ERC2: variants seen among roughly 807,000 people sequenced by gnomAD.
ERC2 encodes the protein ELKS/RAB6-interacting/CAST family member 2.
Under a neutral mutation model 114.8 loss-of-function variants are expected in ERC2, and 42 were observed. The observed-to-expected ratio is 0.37, with a 90% confidence interval of 0.29 to 0.47. The LOEUF (loss-of-function observed/expected upper bound fraction) is 0.47, where lower values mean the gene tolerates loss of function less well. ERC2 is among the 20% of genes least tolerant of loss of function. The pLI, the probability that ERC2 is intolerant of heterozygous loss-of-function variation, is 0.99. For missense variants in ERC2, 939 were observed against 1,150.7 expected (o/e 0.82, Z 2.66); for synonymous variants, 454 against 425.5 (o/e 1.07, Z -0.82).
chr3:55,819,252 A>T (rs1389890560), intron 14 of ERC2, among the ~76,000 whole-genome samples: 2 of 152,200 alleles, frequency 1.3e-5, no homozygotes, highest in Non-Finnish European at 2.9e-5. Flanking sequence ...TGAGTGAAAG[A>T]TCCCTTGACA....
At chr3:56,187,821 A>C (rs991844679) in intron 3 of ERC2, among the ~76,000 whole-genome samples, 1 of 152,198 alleles carries the variant, frequency 6.6e-6, no homozygotes, top group Non-Finnish European at 1.5e-5. Flanking sequence ...CCAAACATGT[A>C]GTATAAATGT....
chr3:56,030,925 G>C (rs952989239), intron 7 of ERC2, among the ~76,000 whole-genome samples: 2 of 152,180 alleles, frequency 1.3e-5, no homozygotes, highest in African/African-American at 2.4e-5. Context: ...GGAAAAGAGA[G>C]TGAAATGAGC....
chr3:55,983,312 C>T (rs969764582), intron 12 of ERC2, among the ~76,000 whole-genome samples: 6 of 152,204 alleles, frequency 3.9e-5, no homozygotes, highest in Non-Finnish European at 7.3e-5. Context: ...GAGATAACCT[C>T]ATCTGTCATA....
At chr3:55,539,415 C>CTTTTTTTTTTTATTTTTTTTTTTTT (rs2054228700) in intron 17 of ERC2, among the ~76,000 whole-genome samples, 1 of 39,090 alleles carries the variant, frequency 2.6e-5, no homozygotes, top group Non-Finnish European at 4.6e-5. Context: ...TTTTTTCTTT[C>CTTTTTTTTTTTATTTTTTTTTTTTT]TTTTTTTTTT....
intron 14 of ERC2, among the ~76,000 whole-genome samples, chr3:55,787,309 G>C (rs907420394): frequency 6.6e-6 from 1 of 152,076 alleles, no homozygotes; most frequent in African/African-American, 2.4e-5. Context: ...CCAGCTACTA[G>C]GGAAGCTGAG....
At position 55,781,640 on chromosome 3, in the gene ERC2, G is replaced by T. The variant is rs201892560; in HGVS notation, c.2565-46722C>A. ...TAATCCCAGCACTTTGGGAGGCCGA[G>T]GGGGGTGGATCACCTGAGGTCAGGA... On this transcript the variant is annotated intron_variant, in intron 14 of 17. Transcript: ENST00000288221. Among the ~76,000 whole-genome samples, 4 of 152,084 alleles carry T rather than the reference G, an allele frequency of 2.6e-5. No homozygotes were observed. In the East Asian group the frequency reaches 5.8e-4, roughly 22 times the overall value.
chr3:56,424,010 T>C (rs1285993247), intron 2 of ERC2, among the ~76,000 whole-genome samples: 2 of 152,232 alleles, frequency 1.3e-5, no homozygotes, highest in Non-Finnish European at 2.9e-5. Context: ...ACTGAAATTG[T>C]GTTCTGGCCA....
At chr3:56,457,882 T>A (rs75497936) in intron 1 of ERC2, among the ~76,000 whole-genome samples, 4,784 of 152,268 alleles carry the variant, frequency 0.031, 119 homozygotes, top group South Asian at 0.052. Context: ...CTTCCTTCAT[T>A]CTTCATCCAT....
intron 2 of ERC2, among the ~76,000 whole-genome samples, chr3:56,414,800 C>T (rs986168117): frequency 2.6e-5 from 4 of 152,050 alleles, no homozygotes; most frequent in Non-Finnish European, 5.9e-5. Context: ...CTCTGTCTCT[C>T]CCCCCAGGTA....
At chr3:56,320,286 A>G (rs1468728043) in intron 2 of ERC2, among the ~76,000 whole-genome samples, 1 of 152,244 alleles carries the variant, frequency 6.6e-6, no homozygotes, top group African/African-American at 2.4e-5. Context: ...AGGAAACAAA[A>G]ATATTATTTC....
chr3:55,992,110 C>G lies in ERC2; in HGVS notation c.2202G>C (p.Lys734Asn). The G allele has an allele frequency of 6.2e-7, 1 of 1,613,974 alleles. No individual in the cohort carries two copies. The highest frequency in any genetic ancestry group is 8.5e-7 in the Non-Finnish European group (1 of 1,179,886). Residue 734 changes from lysine to asparagine, a missense_variant, in exon 11 of 18, where the codon AAG (lysine) becomes AAC (asparagine). Lys to Asn is a moderately conservative substitution (Grantham distance 94). Around this residue, in one of 5 missense-constraint regions of ERC2, gnomAD observed 328 missense variants for 353.9 expected, o/e 0.93. Transcript: ENST00000288221. ...TGTCATTCTTCTCATTCTCCACCTC[C>G]TTGAGGATCTCCAGCAACCGGTCCA... is the stretch of plus-strand genomic sequence containing the variant. ...AEVDRLLEIL[K>N]EVENEKNDKD... is the part of the protein sequence containing the mutation.
chr3:55,919,082 T>G (rs1367946051), intron 13 of ERC2, among the ~76,000 whole-genome samples: 4 of 152,100 alleles, frequency 2.6e-5, no homozygotes, highest in Non-Finnish European at 5.9e-5. Flanking sequence ...AAATGGATAT[T>G]TAAAGTATGA....
chr3:56,030,742 A>G (rs1041492972), intron 7 of ERC2, among the ~76,000 whole-genome samples: 1 of 152,244 alleles, frequency 6.6e-6, no homozygotes, highest in African/African-American at 2.4e-5. Context: ...ACAACTGTCT[A>G]TGCATGAATA....
rs768190696 is a variant in ERC2, at chr3:55,508,714, A to G, written c.*2602T>C. 8 of 152,614 alleles carry G rather than the reference A, an allele frequency of 5.2e-5. No homozygotes were observed. Among genetic ancestry groups the G allele is most frequent in the Non-Finnish European group, 1.0e-4 (7 of 68,034 alleles). The allele number at this position is 152,614 out of a possible 1,614,324, so 9.5% of individuals were successfully genotyped here. A position where few individuals can be genotyped will look rare whatever the true frequency, so the allele number is the denominator to read the frequency against. On this transcript the variant is annotated 3_prime_UTR_variant, in exon 18 of 18. Coordinates refer to ENST00000288221, the MANE Select transcript of ERC2 (RefSeq NM_015576.3). ...GTCTCGTCATAAACACTGTTTAAAA[A>G]GTAAATTGAAACCCACTTTCAAATG...
intron 14 of ERC2, among the ~76,000 whole-genome samples, chr3:55,852,965 C>T (rs1210506578): frequency 6.6e-6 from 1 of 152,190 alleles, no homozygotes; most frequent in South Asian, 2.1e-4. Context: ...TTAGTAGCAT[C>T]GCTGGCCTCT....
At position 55,857,337 on chromosome 3, in the gene ERC2, C is replaced by T. The variant is rs886158596; in HGVS notation, c.2564+31052G>A. On this transcript the variant is annotated intron_variant, in intron 14 of 17. Transcript: ENST00000288221. Reference sequence around the variant, plus strand: ...TAAGGTTATGAGCCAGAAAGATACCCGCATCTTTGTTCTCTGCCATTTCTG... The same window carrying T: ...TAAGGTTATGAGCCAGAAAGATACCTGCATCTTTGTTCTCTGCCATTTCTG... Among the ~76,000 whole-genome samples the T allele has an allele frequency of 7.9e-5, 12 of 152,188 alleles. No individual in the cohort carries two copies. In the South Asian group the frequency reaches 1.9e-3, roughly 24 times the overall value.
chr3:55,764,540 T>C (rs1276386064), intron 14 of ERC2, among the ~76,000 whole-genome samples: 2 of 152,254 alleles, frequency 1.3e-5, no homozygotes, highest in East Asian at 1.9e-4. Context: ...GAGATACTTA[T>C]GGCTTTGGCT....
At chr3:55,651,348 T>C (rs2060613990) in intron 17 of ERC2, among the ~76,000 whole-genome samples, 1 of 152,310 alleles carries the variant, frequency 6.6e-6, no homozygotes, top group Admixed American at 6.5e-5. Context: ...CAATCAGGGC[T>C]TTGTTTGCTC....
intron 15 of ERC2, among the ~76,000 whole-genome samples, chr3:55,708,363 A>G (rs2063594810): frequency 6.6e-6 from 1 of 152,232 alleles, no homozygotes; most frequent in Non-Finnish European, 1.5e-5. Context: ...GGGGGAAGGG[A>G]AAGGCCCTAG....
Sources: gnomAD v4.1 joint callset for allele counts (sites outside exome capture counted in the v4.1 genomes callset) on GRCh38, gnomAD v4.1.1 for gene constraint, gnomAD v4.1.1 regional missense constraint, MANE v1.5 for transcripts, NCBI Gene and HGNC (gene_info 2026-07-23, HGNC 2026-07-21) for gene names.